The following CDH13 variants were observed in gnomAD, a reference collection of about 807,000 sequenced individuals.
CDH13 encodes cadherin 13, also known as cadherin-13.
Under a neutral mutation model 63.8 loss-of-function variants are expected in CDH13, and 24 were observed. The ratio of observed to expected loss-of-function variants is 0.38; its 90% CI spans 0.27 to 0.53. The LOEUF is 0.53. Ranked by LOEUF, CDH13 falls within the 20% of genes least tolerant of loss-of-function variation. The pLI, the probability that CDH13 is intolerant of heterozygous loss-of-function variation, is 0.85. For synonymous variants in CDH13, 503 were observed against 355.3 expected (o/e 1.42, Z -4.67); for missense variants, 1,049 against 903.1 (o/e 1.16, Z -2.07).
intron 1 of CDH13, among the ~76,000 whole-genome samples, chr16:82,632,457 A>C (rs1171814372): frequency 1.3e-5 from 2 of 152,116 alleles, no homozygotes; most frequent in Non-Finnish European, 2.9e-5. Flanking sequence ...GCACCCAGAG[A>C]GACATAGCAC....
intron 2 of CDH13, among the ~76,000 whole-genome samples, chr16:82,968,326 A>G (rs1908166312): frequency 6.6e-6 from 1 of 152,156 alleles, no homozygotes; most frequent in Non-Finnish European, 1.5e-5. Context: ...TGAATCCTTT[A>G]TCTAGAAAAT....
chr16:83,307,101 C>G (rs1038923860), intron 5 of CDH13, among the ~76,000 whole-genome samples: 1 of 152,154 alleles, frequency 6.6e-6, no homozygotes, highest in African/African-American at 2.4e-5. Flanking sequence ...TCAGGAAAAA[C>G]TTGTGGTAAC....
At chr16:83,380,832 T>TC (rs1491321843) in intron 6 of CDH13, among the ~76,000 whole-genome samples, 3 of 62,746 alleles carry the variant, frequency 4.8e-5, no homozygotes, top group Non-Finnish European at 9.6e-5. Context: ...TTACCCAAGG[T>TC]TTTTTTTTTT....
rs573721577 is a variant in CDH13, at chr16:83,572,917, C to G, written c.961-29537C>G. On this transcript the variant is annotated intron_variant, in intron 7 of 13. Coordinates refer to ENST00000567109, the MANE Select transcript of CDH13 (RefSeq NM_001257.5). ...AGTATGACCAATGAGGCAAAGAATCCAAACTCATTAAGTTTCACACATAAA... is the reference window on the plus strand; with the variant it reads ...AGTATGACCAATGAGGCAAAGAATCGAAACTCATTAAGTTTCACACATAAA... Among the ~76,000 whole-genome samples, 14 of 152,230 alleles carry G rather than the reference C, an allele frequency of 9.2e-5. No homozygotes were observed. In the South Asian group the frequency reaches 1.2e-3, roughly 14 times the overall value.
chr16:83,341,244 G>A (rs145922574), intron 5 of CDH13, among the ~76,000 whole-genome samples: 3 of 152,268 alleles, frequency 2.0e-5, no homozygotes, highest in African/African-American at 7.2e-5. Context: ...TGTGCTTTGG[G>A]TATTTCAATT....
intron 7 of CDH13, among the ~76,000 whole-genome samples, chr16:83,564,979 C>G (rs912640481): frequency 1.3e-5 from 2 of 152,136 alleles, no homozygotes; most frequent in African/African-American, 4.8e-5. Flanking sequence ...CAGTGTCATT[C>G]ATACAAATGA....
chr16:82,841,226 T>TG (rs2038996123), intron 1 of CDH13, among the ~76,000 whole-genome samples: 2 of 152,210 alleles, frequency 1.3e-5, no homozygotes, highest in Admixed American at 1.3e-4. Flanking sequence ...TGGCAGCCTC[T>TG]GCAAGCTAAA....
At chr16:82,907,788 G>T (rs549445135) in intron 2 of CDH13, among the ~76,000 whole-genome samples, 1 of 152,102 alleles carries the variant, frequency 6.6e-6, no homozygotes, top group Non-Finnish European at 1.5e-5. Flanking sequence ...GCTGTGCAGG[G>T]CCTCCACTTG....
rs1208580600 is a variant in CDH13, at chr16:83,254,865, C to A, written c.636+37368C>A. Among the ~76,000 whole-genome samples the A allele has an allele frequency of 2.0e-5, 3 of 152,124 alleles. No homozygotes were observed. The East Asian group carries it at 5.8e-4, about 29-fold the overall frequency. On this transcript the variant is annotated intron_variant, in intron 5 of 13. Coordinates refer to ENST00000567109, the MANE Select transcript of CDH13 (RefSeq NM_001257.5). ...ATTAAATTCCTTGTAAAAATGGTCCCTACTAGGGGAAATGCTAGATGAGAT... is the reference window on the plus strand; with the variant it reads ...ATTAAATTCCTTGTAAAAATGGTCCATACTAGGGGAAATGCTAGATGAGAT...
intron 3 of CDH13, among the ~76,000 whole-genome samples, chr16:83,122,861 A>C (rs958172177): frequency 6.6e-6 from 1 of 152,076 alleles, no homozygotes; most frequent in African/African-American, 2.4e-5. Context: ...GTGGCCTTTT[A>C]GTGAACCCAT....
chr16:83,597,039 A>G (rs1050058171), intron 7 of CDH13, among the ~76,000 whole-genome samples: 1 of 152,152 alleles, frequency 6.6e-6, no homozygotes, highest in Non-Finnish European at 1.5e-5. Flanking sequence ...CCTGGGCAAT[A>G]CAGGGAGACC....
At chr16:82,897,380 T>TAATGAATAAATG (rs1176481683) in intron 2 of CDH13, among the ~76,000 whole-genome samples, 1 of 152,206 alleles carries the variant, frequency 6.6e-6, no homozygotes, top group Non-Finnish European at 1.5e-5. Context: ...AATGAATGAA[T>TAATGAATAAATG]AATGAATAAA....
At chr16:83,646,827 A>G (rs1911865447) in intron 8 of CDH13, among the ~76,000 whole-genome samples, 1 of 151,510 alleles carries the variant, frequency 6.6e-6, no homozygotes, top group Non-Finnish European at 1.5e-5. Context: ...GAGCCATGAG[A>G]CCTGGTCTGA....
intron 1 of CDH13, among the ~76,000 whole-genome samples, chr16:82,671,063 C>A (rs918651328): frequency 6.6e-6 from 1 of 152,160 alleles, no homozygotes; most frequent in Admixed American, 6.5e-5. Flanking sequence ...CTCATGCCAG[C>A]CTTTCGTGGG....
intron 5 of CDH13, among the ~76,000 whole-genome samples, chr16:83,304,458 A>C (rs1021676185): frequency 6.6e-6 from 1 of 152,100 alleles, no homozygotes; most frequent in Admixed American, 6.6e-5. Context: ...TGGGATTTTC[A>C]AGCTTCCCTA....
Position 83,299,292 on chromosome 16 carries a change from G to GA in CDH13, c.637-45555dup, listed in dbSNP as rs11308841. On this transcript the variant is annotated intron_variant, in intron 5 of 13. Transcript: ENST00000567109. ...TTGCTTGGATTGTTTATCAGGCCAT[G>GA]AAAAAAAAAAAAAAAGATGAATTCC... 7.0e-5 allele frequency among the ~76,000 whole-genome samples: 10 copies of GA among 143,310 alleles called. No homozygotes were observed. The East Asian group carries it at 1.6e-3, about 23-fold the overall frequency. The allele number at this position is 143,310 out of a possible 152,430, so 94.0% of individuals were successfully genotyped here.
intron 10 of CDH13, chr16:83,725,523 G>A (rs1384307749): frequency 6.6e-6 from 1 of 152,444 alleles, no homozygotes. Flanking sequence ...GCGGTATGAT[G>A]TGTCCTGGTC....
chr16:83,684,382 A>T (rs1242282528), intron 10 of CDH13, among the ~76,000 whole-genome samples: 2 of 152,226 alleles, frequency 1.3e-5, no homozygotes, highest in Non-Finnish European at 2.9e-5. Flanking sequence ...TCACAAAAAA[A>T]AAAAGTAGCC....
Position 83,205,858 on chromosome 16 carries a change from A to G in CDH13, c.484-11487A>G, listed in dbSNP as rs371377650. ...GACCTTGTGATCCACCCGTCTCGGCATCCCAAAGTGTTAGGATTATAGGTG... is the reference window on the plus strand; with the variant it reads ...GACCTTGTGATCCACCCGTCTCGGCGTCCCAAAGTGTTAGGATTATAGGTG... On this transcript the variant is annotated intron_variant, in intron 4 of 13. Coordinates refer to ENST00000567109, the MANE Select transcript of CDH13 (RefSeq NM_001257.5). Among the ~76,000 whole-genome samples the G allele has an allele frequency of 6.8e-4, 103 of 152,176 alleles. No individual in the cohort carries two copies. The South Asian group carries it at 0.02, about 30-fold the overall frequency.
Sources: allele counts gnomAD v4.1 joint callset (sites outside exome capture counted in the v4.1 genomes callset), GRCh38; gene constraint gnomAD v4.1.1; transcripts MANE v1.5; gene names NCBI Gene and HGNC (gene_info 2026-07-23, HGNC 2026-07-21).